Variants in LMBR1 observed in about 807,000 individuals in gnomAD.
LMBR1 encodes the protein limb region 1 protein homolog.
Under a neutral mutation model 73.9 loss-of-function variants are expected in LMBR1, and 52 were observed. That is an observed-to-expected ratio of 0.70 (90% CI 0.56 to 0.89). The LOEUF (loss-of-function observed/expected upper bound fraction) is 0.89, where lower values mean the gene tolerates loss of function less well. Ranked by LOEUF, LMBR1 falls within the 40% of genes least tolerant of loss-of-function variation. The pLI is 0.00. For missense variants in LMBR1, 539 were observed against 579.8 expected, an observed-to-expected ratio of 0.93 and a Z score of 0.72; for synonymous variants, 215 against 209.4, an observed-to-expected ratio of 1.03 and a Z score of -0.23.
chr7:156,754,056 G>A (rs1044860560), intron 9 of LMBR1, among the ~76,000 whole-genome samples: 2 of 152,074 alleles, frequency 1.3e-5, no homozygotes, highest in East Asian at 1.9e-4. Flanking sequence ...ATTAAGATCC[G>A]TAATAAGCAA....
chr7:156,781,325 T>G (rs1827100812), intron 5 of LMBR1, among the ~76,000 whole-genome samples: 2 of 152,048 alleles, frequency 1.3e-5, no homozygotes, highest in African/African-American at 2.4e-5. Flanking sequence ...TTTATGACAG[T>G]GAACAAAATA....
chr7:156,889,513 G>A (rs1802531216), intron 1 of LMBR1, among the ~76,000 whole-genome samples: 1 of 152,134 alleles, frequency 6.6e-6, no homozygotes, highest in Non-Finnish European at 1.5e-5. Context: ...ATTTGAGAAA[G>A]AAATGCCAAA....
chr7:156,780,484 T>C (rs17837695), intron 5 of LMBR1, among the ~76,000 whole-genome samples: 3,609 of 152,256 alleles, frequency 0.024, 145 homozygotes, highest in African/African-American at 0.082. Flanking sequence ...TAACTAGATA[T>C]CAAAATTTTT....
chr7:156,855,048 A>C (rs1416327970), intron 1 of LMBR1, among the ~76,000 whole-genome samples: 2 of 152,244 alleles, frequency 1.3e-5, no homozygotes, highest in Non-Finnish European at 2.9e-5. Flanking sequence ...AAGCATGCTC[A>C]AATGCAAAAA....
At chr7:156,737,310 T>C (rs181268917) in intron 9 of LMBR1, among the ~76,000 whole-genome samples, 74 of 152,338 alleles carry the variant, frequency 4.9e-4, no homozygotes, top group Admixed American at 4.8e-3. Context: ...TTTTGAGAAG[T>C]CTGAAGCTAT....
At chr7:156,753,452 T>A (rs1384627862) in intron 9 of LMBR1, among the ~76,000 whole-genome samples, 1 of 151,998 alleles carries the variant, frequency 6.6e-6, no homozygotes, top group East Asian at 1.9e-4. Flanking sequence ...AGCCATCACA[T>A]GAGCGGGTGG....
At chr7:156,877,649 C>T (rs547260255) in intron 1 of LMBR1, among the ~76,000 whole-genome samples, 4 of 151,912 alleles carry the variant, frequency 2.6e-5, no homozygotes, top group African/African-American at 4.8e-5. Context: ...GTTGGGAGGC[C>T]GAGGTGGGCG....
chr7:156,708,541 G>C (rs977712759), intron 15 of LMBR1, among the ~76,000 whole-genome samples: 53 of 152,178 alleles, frequency 3.5e-4, no homozygotes, highest in African/African-American at 1.2e-3. Context: ...TCTCACAGGG[G>C]ACCTTGGGGA....
intron 9 of LMBR1, among the ~76,000 whole-genome samples, chr7:156,746,943 CAAACTGGTAGACAA>C (rs1160089193): frequency 2.0e-5 from 3 of 152,060 alleles, no homozygotes; most frequent in African/African-American, 7.2e-5. Flanking sequence ...GTCAATAAGT[CAAACTGGTAGACAA>C]AACCTGTTTA....
In LMBR1 at chr7:156,685,558, A is replaced by G. The variant is rs991091513; in HGVS notation, c.1388-1395T>C. 6.6e-6 allele frequency among the ~76,000 whole-genome samples: 1 copy of G among 152,238 alleles called. No homozygotes were observed. Among genetic ancestry groups the G allele is most frequent in the African/African-American group, 2.4e-5 (1 of 41,470 alleles). On this transcript the variant is annotated intron_variant, in intron 16 of 16. Transcript: ENST00000353442. This position sits in a 1 kb window ranked among gnomAD's most constrained non-coding sequence, Gnocchi z 4.1. ...TGCAGCCACTGCGGCACCATGGCAC[A>G]TATCTGTGCATCTAGAAACATATGA...
chr7:156,712,900 A>G (rs901945349), intron 15 of LMBR1, among the ~76,000 whole-genome samples: 1 of 152,196 alleles, frequency 6.6e-6, no homozygotes, highest in Admixed American at 6.5e-5. Context: ...AAATTATTTA[A>G]TGGGCATAGT....
chr7:156,808,430 G>C (rs1832523823), intron 4 of LMBR1, among the ~76,000 whole-genome samples: 1 of 151,990 alleles, frequency 6.6e-6, no homozygotes, highest in Non-Finnish European at 1.5e-5. Flanking sequence ...AATTAGCATG[G>C]TGTATCTTTT....
chr7:156,735,861 T>C (rs1288849466), intron 9 of LMBR1, among the ~76,000 whole-genome samples: 6 of 152,072 alleles, frequency 3.9e-5, no homozygotes, highest in Non-Finnish European at 8.8e-5. Flanking sequence ...TTATTGGAGG[T>C]TTCAACTGTA....
At chr7:156,880,165 C>A (rs1800858069) in intron 1 of LMBR1, among the ~76,000 whole-genome samples, 1 of 152,172 alleles carries the variant, frequency 6.6e-6, no homozygotes, top group African/African-American at 2.4e-5. Flanking sequence ...TACTACCCAG[C>A]CATAAAAAGG....
intron 15 of LMBR1, among the ~76,000 whole-genome samples, chr7:156,704,863 C>T (rs935646493): frequency 6.6e-6 from 1 of 150,558 alleles, no homozygotes; most frequent in Non-Finnish European, 1.5e-5. Context: ...AATCTCAGAA[C>T]GTGAAAGACA....
rs565778208 is a variant in LMBR1, at chr7:156,684,278, A to G, written c.1388-115T>C. 8 of 818,100 alleles carry G rather than the reference A, an allele frequency of 9.8e-6. No homozygotes were observed. The East Asian group carries it at 2.0e-4, about 20-fold the overall frequency. The allele number at this position is 818,100 out of a possible 1,614,324, so 50.7% of individuals were successfully genotyped here. The stretch of plus-strand genomic sequence containing the variant: ...GCTAAGTGTTATTTGGAAAGCTGTG[A>G]GGTGCTGGCCAGATCCCCTTGAGGA... On this transcript the variant is annotated intron_variant, in intron 16 of 16. Transcript: ENST00000353442.
At chr7:156,675,969 G>C (rs1803870683), downstream of LMBR1, 2 of 1,183,476 alleles carry the variant, frequency 1.7e-6, no homozygotes, top group African/African-American at 1.5e-5. Flanking sequence ...GGGGAGCCTA[G>C]GAGTGTCAGG....
At chr7:156,826,852 A>G in intron 3 of LMBR1, 108 bp from the exon 4 acceptor site, 1 of 1,034,004 alleles carries the variant, frequency 9.7e-7, no homozygotes, top group Non-Finnish European at 1.4e-6. Flanking sequence ...AAAGCATTAT[A>G]TTAAGAACTT....
intron 15 of LMBR1, among the ~76,000 whole-genome samples, chr7:156,699,630 G>A (rs1809168061): frequency 6.6e-6 from 1 of 151,912 alleles, no homozygotes; most frequent in Non-Finnish European, 1.5e-5. Context: ...CCTACAGAAT[G>A]GGAGAAAATT....
Sources: allele counts gnomAD v4.1 joint callset (sites outside exome capture counted in the v4.1 genomes callset), GRCh38; gene constraint gnomAD v4.1.1; non-coding constraint Gnocchi (gnomAD v3.1); transcripts MANE v1.5; gene names NCBI Gene and HGNC (gene_info 2026-07-23, HGNC 2026-07-21).